Variants in NEB observed in about 807,000 individuals in gnomAD.
NEB encodes nebulin.
In NEB, 512 loss-of-function variants were observed where a neutral mutation model predicts 952.2. The observed-to-expected ratio is 0.54, with a 90% confidence interval of 0.50 to 0.58. The LOEUF (loss-of-function observed/expected upper bound fraction) is 0.58, where lower values mean the gene tolerates loss of function less well. Among genes scored for constraint, NEB ranks in the 20% least tolerant of loss-of-function variants. NEB has a pLI of 0.00. For synonymous variants in NEB, 2,900 were observed against 3,149.8 expected, an observed-to-expected ratio of 0.92 and a Z score of 2.66; for missense variants, 8,428 against 9,231.1, an observed-to-expected ratio of 0.91 and a Z score of 3.56.
At chr2:151,497,793 A>G (rs2061287516) in intron 170 of NEB, 75 bp from the exon 171 acceptor site, 2 of 1,540,560 alleles carry the variant, frequency 1.3e-6, no homozygotes, top group Non-Finnish European at 8.7e-7. Context: ...AAGGATGAGG[A>G]AAAAACACAG....
At chr2:151,552,191 G>A (rs943633986) in intron 128 of NEB, among the ~76,000 whole-genome samples, 3 of 152,196 alleles carry the variant, frequency 2.0e-5, no homozygotes, top group South Asian at 2.1e-4. Flanking sequence ...TGTGTCAGGC[G>A]TCATAGTGGG....
intron 13 of NEB, among the ~76,000 whole-genome samples, chr2:151,698,567 T>C (rs1358222393): frequency 6.6e-6 from 1 of 152,098 alleles, no homozygotes; most frequent in Non-Finnish European, 1.5e-5. Context: ...TGATCTTTTC[T>C]TTCTGATTTC....
intron 154 of NEB, 58 bp from the exon 155 acceptor site, chr2:151,519,127 T>G: frequency 3.5e-6 from 4 of 1,131,748 alleles, no homozygotes; most frequent in Non-Finnish European, 5.3e-6. Context: ...ACAGCACTAA[T>G]GGAAATCAAA....
intron 54 of NEB, among the ~76,000 whole-genome samples, chr2:151,649,042 T>C (rs2098998502): frequency 1.3e-5 from 2 of 151,996 alleles, no homozygotes; most frequent in Admixed American, 6.6e-5. Flanking sequence ...GATCTAGGGG[T>C]TCTCATTTGG....
At position 151,630,868 on chromosome 2, in the gene NEB, G is replaced by A. The variant is rs776551942; in HGVS notation, c.9619-49C>T. The A allele has an allele frequency of 4.1e-6, 6 of 1,460,868 alleles. No individual in the cohort carries two copies. In the East Asian group the frequency reaches 9.5e-5, roughly 23 times the overall value. 90.5% of individuals were successfully genotyped at this position (1,460,868 alleles called of 1,614,324 possible). A position where few individuals can be genotyped will look rare whatever the true frequency, so the allele number is the denominator to read the frequency against. ...ATTAAAAATCATTTGAAATAGAAAT[G>A]ACAAAAAGTTCATTTAAAACTGTTA... On this transcript the variant is annotated intron_variant, in intron 66 of 181. Coordinates refer to ENST00000397345, the MANE Select transcript of NEB (RefSeq NM_001164508.2).
intron 163 of NEB, 66 bp downstream of exon 163, chr2:151,506,843 A>C: frequency 9.6e-7 from 1 of 1,043,864 alleles, no homozygotes. Context: ...TAAGGCTAGT[A>C]TATTTTTAAA....
Position 151,493,365 on chromosome 2 carries a change from T to G in NEB, c.24753A>C (p.Glu8251Asp). The G allele has an allele frequency of 6.2e-7, 1 of 1,611,424 alleles. No individual in the cohort carries two copies. Among genetic ancestry groups the G allele is most frequent in the Non-Finnish European group, 8.5e-7 (1 of 1,177,990 alleles). Reference sequence around the variant, plus strand: ...TCCTAGAAAATACCGAGCTAATGTTTTCTTGGTTGCGCTTAGCTCTCTCCA... The same window carrying G: ...TCCTAGAAAATACCGAGCTAATGTTGTCTTGGTTGCGCTTAGCTCTCTCCA... ...PEMERAKRNQ[E>D]NISSVLYSDS... is the part of the protein sequence containing the mutation. The change falls in exon 176 of 182, where the codon GAA (glutamate) becomes GAC (aspartate). Residue 8251 changes from glutamate (E) to aspartate (D), a missense_variant. This residue lies in a region of NEB where 3,374 missense variants were observed against 3,651.5 expected (regional missense o/e 0.92). Transcript: ENST00000397345.
intron 107 of NEB, among the ~76,000 whole-genome samples, chr2:151,571,601 G>C (rs1380248492): frequency 1.3e-5 from 2 of 151,832 alleles, no homozygotes; most frequent in Admixed American, 6.6e-5. Context: ...GGTAATGTTA[G>C]ATCTTCCGCT....
intron 13 of NEB, among the ~76,000 whole-genome samples, chr2:151,703,922 G>T (rs2099688368): frequency 1.5e-5 from 2 of 134,174 alleles, no homozygotes; most frequent in South Asian, 5.3e-4. Context: ...TTCCTTTGGA[G>T]GAGGAGAGGC....
chr2:151,678,141 C>T lies in NEB; in HGVS notation c.3302G>A (p.Gly1101Asp), dbSNP rs368377514. The stretch of plus-strand genomic sequence containing the variant: ...AGGGTCATCTTGAAGACTTTGGAAG[C>T]CAACCATTTTCCCTTTAGCCTTTTC... Reference protein sequence around the residue: ...DYEKAKGKMVGFQSLQDDPKL... With the variant: ...DYEKAKGKMVDFQSLQDDPKL... The change falls in exon 33 of 182, where the codon GGC becomes GAC. Residue 1101 changes from glycine to aspartate, a missense_variant. Gly to Asp is a moderately conservative substitution (Grantham distance 94, BLOSUM62 -1). Transcript: ENST00000397345. 1.9e-6 allele frequency: 3 copies of T among 1,612,794 alleles called. No homozygotes were observed. Among genetic ancestry groups the T allele is most frequent in the African/African-American group, 1.3e-5 (1 of 74,802 alleles).
intron 52 of NEB, among the ~76,000 whole-genome samples, chr2:151,652,388 G>A (rs2099040779): frequency 6.6e-6 from 1 of 151,970 alleles, no homozygotes; most frequent in Non-Finnish European, 1.5e-5. Flanking sequence ...ACCATGCCCA[G>A]CTAATTTTTT....
chr2:151,695,896 G>A (rs1159924825), intron 17 of NEB, among the ~76,000 whole-genome samples: 4 of 152,160 alleles, frequency 2.6e-5, no homozygotes, highest in Admixed American at 6.5e-5. Context: ...AGGGAATGAG[G>A]TGGCTCTGTC....
At chr2:151,510,667 G>A (rs1355866858) in intron 161 of NEB, among the ~76,000 whole-genome samples, 3 of 152,116 alleles carry the variant, frequency 2.0e-5, no homozygotes, top group Admixed American at 6.5e-5. Flanking sequence ...ATTAGTTATT[G>A]TTGTTAATCT....
Position 151,684,773 on chromosome 2 carries a change from C to T in NEB, c.2835+5G>A. The T allele has an allele frequency of 6.4e-7, 1 of 1,564,564 alleles. No individual in the cohort carries two copies. The highest frequency in any genetic ancestry group is 2.3e-5 in the East Asian group (1 of 44,354). ...AGAGGGGCTACAGAAACCCTGGTTA[C>T]TCACATCGCTCTGCAGCGCATATGC... On this transcript the variant is annotated splice_donor_5th_base_variant and intron_variant, in intron 28 of 181. Coordinates refer to ENST00000397345, the MANE Select transcript of NEB (RefSeq NM_001164508.2).
chr2:151,508,522 AAG>A (rs1391003071), intron 161 of NEB, among the ~76,000 whole-genome samples: 4 of 152,168 alleles, frequency 2.6e-5, no homozygotes, highest in African/African-American at 9.7e-5. Flanking sequence ...CTGGAGGGTT[AAG>A]AGTCAAAGAC....
Position 151,498,352 on chromosome 2 carries a change from C to A in NEB, c.24115G>T (p.Val8039Leu), listed in dbSNP as rs1037262755. 2.1e-5 allele frequency: 32 copies of A among 1,543,410 alleles called. No individual in the cohort carries two copies. In the Middle Eastern group the frequency reaches 5.0e-4, roughly 24 times the overall value. The change falls in exon 170 of 182, where the codon GTG becomes TTG. Residue 8039 changes from valine to leucine, a missense_variant and splice_region_variant. By Grantham distance (32) the Val-to-Leu change is conservative. Transcript: ENST00000397345. Reference sequence around the variant, plus strand: ...GTCCCCAGGTTTTCTTTGTATAGCACCTGTATGATGAGAAAGCATCCAGAA... The same window carrying A: ...GTCCCCAGGTTTTCTTTGTATAGCAACTGTATGATGAGAAAGCATCCAGAA... ...VKHNQENFSS[V>L]LYKENLGTGI...
At chr2:151,656,505 T>C (rs947819590) in intron 48 of NEB, 41 bp from the exon 49 acceptor site, 19 of 1,335,816 alleles carry the variant, frequency 1.4e-5, no homozygotes, top group Non-Finnish European at 1.9e-5. Flanking sequence ...GCAATTCCTT[T>C]GACTAAAAAT....
At chr2:151,497,352 C>T in intron 171 of NEB, 1 of 982,110 alleles carries the variant, frequency 1.0e-6, no homozygotes, top group African/African-American at 1.8e-5. Flanking sequence ...ACAGTTAGAA[C>T]TCAGTGGTGT....
chr2:151,538,165 C>A lies in NEB; in HGVS notation c.20972G>T (p.Arg6991Leu), dbSNP rs781020561. The A allele has an allele frequency of 6.2e-7, 1 of 1,611,128 alleles. No homozygotes were observed. The highest frequency in any genetic ancestry group is 8.5e-7 in the Non-Finnish European group (1 of 1,177,778). Residue 6991 changes from arginine (R) to leucine (L), a missense_variant, in exon 139 of 182, where the codon CGC becomes CTC. Around this residue, in one of 11 missense-constraint regions of NEB, gnomAD observed 3,374 missense variants for 3,651.5 expected, o/e 0.92. Transcript: ENST00000397345. ...VKDALDIVYH[R>L]KVTDDISKIK... ...TTTACTGATGTCATCTGTGACTTTGCGATGATAGACAATGTCTAGGGCATC... is the reference window on the plus strand; with the variant it reads ...TTTACTGATGTCATCTGTGACTTTGAGATGATAGACAATGTCTAGGGCATC...
Sources: gnomAD v4.1 joint callset for allele counts (sites outside exome capture counted in the v4.1 genomes callset) on GRCh38, gnomAD v4.1.1 for gene constraint, gnomAD v4.1.1 regional missense constraint, MANE v1.5 for transcripts, NCBI Gene and HGNC (gene_info 2026-07-23, HGNC 2026-07-21) for gene names.